DLGAP1: variants seen among roughly 807,000 people sequenced by gnomAD.
DLGAP1 encodes DLG associated protein 1.
Under a neutral mutation model 90.8 loss-of-function variants are expected in DLGAP1, and 11 were observed. The observed-to-expected ratio is 0.12, with a 90% CI of 0.08 to 0.20. The LOEUF is 0.20. Ranked by LOEUF, DLGAP1 falls within the 10% of genes least tolerant of loss-of-function variation. The pLI is 1.00. For missense variants in DLGAP1, 1,050 were observed against 1,333.8 expected, an observed-to-expected ratio of 0.79 and a Z score of 3.31; for synonymous variants, 558 against 540.7, an observed-to-expected ratio of 1.03 and a Z score of -0.44.
intron 9 of DLGAP1, among the ~76,000 whole-genome samples, chr18:3,547,285 G>A (rs1227182931): frequency 7.8e-6 from 1 of 127,480 alleles, no homozygotes; most frequent in African/African-American, 3.1e-5. Flanking sequence ...CTGGGCAATA[G>A]AGCGAGACTC....
chr18:3,624,007 G>A (rs1184043395), intron 7 of DLGAP1, among the ~76,000 whole-genome samples: 1 of 152,066 alleles, frequency 6.6e-6, no homozygotes, highest in Non-Finnish European at 1.5e-5. Context: ...GACAGCTGCT[G>A]CCACATTCCA....
chr18:3,567,414 A>G, intron 9 of DLGAP1, 76 bp downstream of exon 9: 1 of 1,244,178 alleles, frequency 8.0e-7, no homozygotes, highest in East Asian at 2.3e-5. Flanking sequence ...AATTTTGTAG[A>G]CTTATCACGG....
chr18:3,781,713 C>T (rs556845723), intron 5 of DLGAP1, among the ~76,000 whole-genome samples: 3 of 152,168 alleles, frequency 2.0e-5, no homozygotes, highest in East Asian at 1.9e-4. Context: ...CAGAGATACC[C>T]GTAAGGGGAC....
At chr18:3,806,169 A>C (rs972054637) in intron 5 of DLGAP1, among the ~76,000 whole-genome samples, 1 of 152,228 alleles carries the variant, frequency 6.6e-6, no homozygotes, top group South Asian at 2.1e-4. Context: ...ATACAGCAAA[A>C]GTAAAGCTAA....
chr18:4,410,879 T>G (rs1235115351), intron 1 of DLGAP1, among the ~76,000 whole-genome samples: 1 of 152,166 alleles, frequency 6.6e-6, no homozygotes, highest in African/African-American at 2.4e-5. Flanking sequence ...GAATCCCCAC[T>G]TCAACCTGAG....
At chr18:4,191,188 A>G (rs1308542620) in intron 1 of DLGAP1, among the ~76,000 whole-genome samples, 1 of 152,182 alleles carries the variant, frequency 6.6e-6, no homozygotes, top group East Asian at 1.9e-4. Flanking sequence ...GATGAAAATG[A>G]CATTTTTCTC....
chr18:4,392,722 A>AAG (rs1260911431), intron 1 of DLGAP1, among the ~76,000 whole-genome samples: 8 of 151,374 alleles, frequency 5.3e-5, no homozygotes, highest in African/African-American at 1.9e-4. Context: ...TCCCTAGGCC[A>AAG]AGTCTTACTT....
intron 3 of DLGAP1, among the ~76,000 whole-genome samples, chr18:3,893,241 T>C (rs944409858): frequency 6.6e-6 from 1 of 152,168 alleles, no homozygotes; most frequent in South Asian, 2.1e-4. Context: ...CTCATTTTTA[T>C]GGCTAAGCAG....
intron 3 of DLGAP1, chr18:3,977,812 TG>T: frequency 2.6e-6 from 1 of 390,690 alleles, no homozygotes; most frequent in South Asian, 2.0e-5. Context: ...GGCGACAACC[TG>T]GTGCTCAGTG....
Position 3,711,424 on chromosome 18 carries a change from T to A in DLGAP1, c.1591+17711A>T, listed in dbSNP as rs1567997509. Among the ~76,000 whole-genome samples the A allele has an allele frequency of 6.6e-6, 1 of 152,090 alleles. No homozygotes were observed. The highest frequency in any genetic ancestry group is 1.5e-5 in the Non-Finnish European group (1 of 68,004). On this transcript the variant is annotated intron_variant, in intron 7 of 12. Transcript: ENST00000315677. This position sits in a 1 kb window ranked among gnomAD's most constrained non-coding sequence, Gnocchi z 4.0. ...CCCAATTAGTCTATTGGAACAAAAA[T>A]AGAATGTAAAACAAAAAATAAAAAT...
chr18:3,574,149 C>G (rs1599318010), intron 8 of DLGAP1, among the ~76,000 whole-genome samples: 1 of 152,282 alleles, frequency 6.6e-6, no homozygotes, highest in Non-Finnish European at 1.5e-5. Context: ...ATTCTCATTC[C>G]TAATATTGTT....
chr18:3,980,039 G>A (rs1355568494), intron 3 of DLGAP1, among the ~76,000 whole-genome samples: 3 of 152,138 alleles, frequency 2.0e-5, no homozygotes, highest in Non-Finnish European at 4.4e-5. Context: ...GGGAGGTTGA[G>A]ACAGGAGAAT....
intron 4 of DLGAP1, among the ~76,000 whole-genome samples, chr18:3,876,785 T>C (rs1473010946): frequency 6.6e-6 from 1 of 152,206 alleles, no homozygotes; most frequent in Non-Finnish European, 1.5e-5. Context: ...AGAAGGCAAA[T>C]AGTTTGAAAA....
At chr18:4,301,625 A>G (rs2080128362) in intron 1 of DLGAP1, among the ~76,000 whole-genome samples, 1 of 152,224 alleles carries the variant, frequency 6.6e-6, no homozygotes, top group African/African-American at 2.4e-5. Context: ...ATATGCAGAT[A>G]TGCCTTTGAC....
At chr18:3,637,191 T>G (rs1414759839) in intron 7 of DLGAP1, among the ~76,000 whole-genome samples, 1 of 152,016 alleles carries the variant, frequency 6.6e-6, no homozygotes, top group Admixed American at 6.5e-5. Context: ...CAGTGTATGT[T>G]TATGGATATT....
At chr18:4,021,270 C>T (rs1261518784) in intron 2 of DLGAP1, among the ~76,000 whole-genome samples, 3 of 152,174 alleles carry the variant, frequency 2.0e-5, no homozygotes, top group African/African-American at 4.8e-5. Flanking sequence ...AGCAGTTACA[C>T]CTGGTGGGAG....
intron 1 of DLGAP1, among the ~76,000 whole-genome samples, chr18:4,386,190 T>C (rs1851366099): frequency 6.6e-6 from 1 of 152,158 alleles, no homozygotes; most frequent in African/African-American, 2.4e-5. Context: ...AAATTTATCC[T>C]ATCCTCATTT....
intron 3 of DLGAP1, among the ~76,000 whole-genome samples, chr18:3,888,107 C>CAAAAAAAA (rs1164887393): frequency 2.0e-5 from 1 of 49,390 alleles, no homozygotes. Flanking sequence ...GACTCCATCT[C>CAAAAAAAA]AAAAAAAAAA....
At chr18:3,754,824 G>C (rs577350940) in intron 5 of DLGAP1, among the ~76,000 whole-genome samples, 1 of 151,832 alleles carries the variant, frequency 6.6e-6, no homozygotes, top group Non-Finnish European at 1.5e-5. Flanking sequence ...TGAACCCGGG[G>C]GTTGGAGGTT....
Sources: gnomAD v4.1 joint callset for allele counts (sites outside exome capture counted in the v4.1 genomes callset) on GRCh38, gnomAD v4.1.1 for gene constraint, Gnocchi (gnomAD v3.1) non-coding constraint, MANE v1.5 for transcripts, NCBI Gene and HGNC (gene_info 2026-07-23, HGNC 2026-07-21) for gene names.